The following LMNTD1 variants were observed in gnomAD, a reference collection of about 807,000 sequenced individuals.
The protein encoded by LMNTD1 is lamin tail domain-containing protein 1.
In LMNTD1, 35 loss-of-function variants were observed where a neutral mutation model predicts 50.9. The observed-to-expected ratio is 0.69, with a 90% CI of 0.53 to 0.91. LMNTD1 has a LOEUF of 0.91. LMNTD1 is among the 40% of genes least tolerant of loss of function. LMNTD1 has a pLI of 0.00. For missense variants in LMNTD1, 470 were observed against 475.5 expected, an observed-to-expected ratio of 0.99 and a Z score of 0.11; for synonymous variants, 153 against 161.9, an observed-to-expected ratio of 0.94 and a Z score of 0.42.
At chr12:25,621,007 C>A (rs147617671) in intron 1 of LMNTD1, among the ~76,000 whole-genome samples, 2 of 152,292 alleles carry the variant, frequency 1.3e-5, no homozygotes, top group East Asian at 1.9e-4. Context: ...GATTCAAACC[C>A]AGGTGAACTG....
Position 25,519,903 on chromosome 12 carries a change from T to C in LMNTD1, c.971A>G (p.Asp324Gly), listed in dbSNP as rs768195750. 6.2e-6 allele frequency: 10 copies of C among 1,612,176 alleles called. No homozygotes were observed. The highest frequency in any genetic ancestry group is 2.2e-5 in the South Asian group (2 of 90,952). ...TKEKQDQPKK[D>G]ISNYQVEQAQ... ...TTGTTCCACCTGATAATTTGAGATA[T>C]CTTTCTTAGGTTGATCTTGTTTTTC... Residue 324 changes from aspartate (D) to glycine (G), a missense_variant, in exon 7 of 10, where the codon GAT becomes GGT. Coordinates refer to ENST00000458174, the MANE Select transcript of LMNTD1 (RefSeq NM_001145728.2).
intron 9 of LMNTD1, among the ~76,000 whole-genome samples, chr12:25,502,477 CT>C (rs1164143955): frequency 6.6e-6 from 1 of 152,220 alleles, no homozygotes; most frequent in Admixed American, 6.5e-5. Flanking sequence ...GACTATATTA[CT>C]AGGAGCCAAA....
chr12:25,539,272 T>G (rs1942867569), intron 4 of LMNTD1, among the ~76,000 whole-genome samples: 1 of 151,082 alleles, frequency 6.6e-6, no homozygotes, highest in Non-Finnish European at 1.5e-5. Flanking sequence ...AGAATATACA[T>G]TTTTTTCAGC....
At chr12:25,607,545 A>C (rs1210543151) in intron 1 of LMNTD1, among the ~76,000 whole-genome samples, 2 of 152,054 alleles carry the variant, frequency 1.3e-5, no homozygotes, top group Non-Finnish European at 2.9e-5. Context: ...CCTTGTTCTC[A>C]TTGGTTTCAA....
chr12:25,594,327 C>T (rs1371085567), intron 1 of LMNTD1, among the ~76,000 whole-genome samples: 1 of 152,068 alleles, frequency 6.6e-6, no homozygotes, highest in Non-Finnish European at 1.5e-5. Flanking sequence ...CACCAGGTAT[C>T]CTATAAAGGA....
intron 1 of LMNTD1, among the ~76,000 whole-genome samples, chr12:25,564,514 C>T (rs1283178398): frequency 6.6e-6 from 1 of 152,194 alleles, no homozygotes; most frequent in African/African-American, 2.4e-5. Flanking sequence ...ACCTCAGCCT[C>T]CCAAAGTGCT....
chr12:25,602,341 CTGACTGTTCTTGACCCACATTGTAT>C (rs1946000903), intron 1 of LMNTD1, among the ~76,000 whole-genome samples: 1 of 151,966 alleles, frequency 6.6e-6, no homozygotes, highest in Non-Finnish European at 1.5e-5. Context: ...AACCTTCCTG[CTGACTGTTCTTGACCCACATTGTAT>C]TGACTTTCTT....
At chr12:25,487,103 A>G (rs2135913042) in intron 9 of LMNTD1, among the ~76,000 whole-genome samples, 1 of 148,992 alleles carries the variant, frequency 6.7e-6, no homozygotes, top group South Asian at 2.3e-4. Flanking sequence ...AAAAAAATGT[A>G]CATTCTGTTG....
chr12:25,605,990 G>A (rs1321803740), intron 1 of LMNTD1, among the ~76,000 whole-genome samples: 1 of 152,158 alleles, frequency 6.6e-6, no homozygotes, highest in Non-Finnish European at 1.5e-5. Context: ...CCATTTGTTT[G>A]TATCCTCTTT....
intron 1 of LMNTD1, among the ~76,000 whole-genome samples, chr12:25,622,137 G>T (rs769188328): frequency 7.9e-5 from 12 of 152,256 alleles, no homozygotes; most frequent in Non-Finnish European, 1.3e-4. Flanking sequence ...TTAGAAGGGG[G>T]CATCCCCAGG....
At chr12:25,598,048 G>A (rs775483647) in intron 1 of LMNTD1, among the ~76,000 whole-genome samples, 124 of 152,088 alleles carry the variant, frequency 8.2e-4, no homozygotes, top group Non-Finnish European at 1.5e-3. Flanking sequence ...GAGTTCCCCT[G>A]CACATGCTCT....
chr12:25,620,117 T>G (rs1382187066), intron 1 of LMNTD1, among the ~76,000 whole-genome samples: 13 of 152,222 alleles, frequency 8.5e-5, no homozygotes, highest in Non-Finnish European at 1.9e-4. Context: ...AAAAAGGGAC[T>G]AGCTACTGTC....
chr12:25,592,032 C>G (rs144252961), intron 1 of LMNTD1, among the ~76,000 whole-genome samples: 1 of 152,102 alleles, frequency 6.6e-6, no homozygotes, highest in Non-Finnish European at 1.5e-5. Context: ...TAAATTATAA[C>G]GCCTAAGTTC....
At chr12:25,599,878 G>A (rs563705621) in intron 1 of LMNTD1, among the ~76,000 whole-genome samples, 1 of 152,070 alleles carries the variant, frequency 6.6e-6, no homozygotes, top group South Asian at 2.1e-4. Context: ...ACTACCCAAA[G>A]CCATTTACTG....
In LMNTD1 at chr12:25,541,208, C is replaced by T. The variant is rs544500126; in HGVS notation, c.491+5166G>A. Among the ~76,000 whole-genome samples the T allele has an allele frequency of 2.4e-4, 19 of 79,084 alleles. 5 individuals are homozygous for T. In the East Asian group the frequency reaches 5.9e-3, roughly 24 times the overall value. The allele number at this position is 79,084 out of a possible 152,430, so 51.9% of individuals were successfully genotyped here. On this transcript the variant is annotated intron_variant, in intron 4 of 9. Transcript: ENST00000458174. ...ATCAAGCTACCAATGCCTTTCTTCACAGAATTGGAAAAAACTACTTTAAAG... is the reference window on the plus strand; with the variant it reads ...ATCAAGCTACCAATGCCTTTCTTCATAGAATTGGAAAAAACTACTTTAAAG...
chr12:25,570,674 C>T (rs7978066), intron 1 of LMNTD1, among the ~76,000 whole-genome samples: 253 of 152,168 alleles, frequency 1.7e-3, no homozygotes, highest in Non-Finnish European at 3.0e-3. Flanking sequence ...GAACACCAGG[C>T]CTAGGAGTTG....
chr12:25,522,356 T>C (rs1342678758), intron 6 of LMNTD1, among the ~76,000 whole-genome samples: 1 of 152,180 alleles, frequency 6.6e-6, no homozygotes, highest in African/African-American at 2.4e-5. Context: ...TTCCCCTGTA[T>C]TGTAGGAACT....
chr12:25,476,161 A>G lies in LMNTD1; in HGVS notation c.*322T>C, dbSNP rs1313783128. The G allele has an allele frequency of 3.9e-5, 6 of 152,248 alleles. No individual in the cohort carries two copies. Among genetic ancestry groups the G allele is most frequent in the Admixed American group, 3.9e-4 (6 of 15,282 alleles). 9.4% of individuals were successfully genotyped at this position (152,248 alleles called of 1,614,324 possible). A position where few individuals can be genotyped will look rare whatever the true frequency, so the allele number is the denominator to read the frequency against. ...TCTTCTTTTGTGAGTTCTGTACCCAAAATAACTTTGTTTACAAAAAGAGAA... is the reference window on the plus strand; with the variant it reads ...TCTTCTTTTGTGAGTTCTGTACCCAGAATAACTTTGTTTACAAAAAGAGAA... On this transcript the variant is annotated 3_prime_UTR_variant, in exon 10 of 10. Transcript: ENST00000458174.
upstream of LMNTD1, among the ~76,000 whole-genome samples, chr12:25,557,724 T>C (rs1944101361): frequency 6.6e-6 from 1 of 152,200 alleles, no homozygotes; most frequent in African/African-American, 2.4e-5. Flanking sequence ...ATCTATCTTA[T>C]GAAATCACAA....
Sources: gnomAD v4.1 joint callset for allele counts (sites outside exome capture counted in the v4.1 genomes callset) on GRCh38, gnomAD v4.1.1 for gene constraint, MANE v1.5 for transcripts, NCBI Gene and HGNC (gene_info 2026-07-23, HGNC 2026-07-21) for gene names.